The following CMSS1 variants were observed in gnomAD, a reference collection of about 807,000 sequenced individuals.
CMSS1 encodes the protein cms1 ribosomal small subunit homolog, also known as protein CMSS1.
CMSS1 carries 33 observed loss-of-function variants against 43.5 expected under a neutral mutation model. That is an observed-to-expected ratio of 0.76 (90% CI 0.57 to 1.01). The LOEUF is 1.01. CMSS1 is among the 50% of genes least tolerant of loss of function. CMSS1 has a pLI of 0.00. For missense variants in CMSS1, 313 were observed against 326.4 expected (o/e 0.96, Z 0.32); for synonymous variants, 115 against 117.2 (o/e 0.98, Z 0.12).
chr3:99,968,109 T>G (rs1420916263), intron 1 of CMSS1, among the ~76,000 whole-genome samples: 1 of 152,126 alleles, frequency 6.6e-6, no homozygotes. Context: ...GTAAAGGCAG[T>G]GATCAAGGGC....
chr3:100,056,533 C>A (rs1043873061), intron 1 of CMSS1, among the ~76,000 whole-genome samples: 1 of 152,246 alleles, frequency 6.6e-6, no homozygotes, highest in African/African-American at 2.4e-5. Flanking sequence ...AACATTTTAG[C>A]CTCCAGGTCA....
In CMSS1 at chr3:100,044,979, A is replaced by G. The variant is rs149099547; in HGVS notation, c.65-101994A>G. Among the ~76,000 whole-genome samples, 1,099 of 152,312 alleles carry G rather than the reference A, an allele frequency of 7.2e-3. 4 individuals carry two copies. The highest frequency in any genetic ancestry group is 0.01 in the African/African-American group (418 of 41,566). On this transcript the variant is annotated intron_variant, in intron 1 of 9. Transcript: ENST00000421999. ...GTTTCCTGAAGTTAAGAACATTTAG[A>G]GGAGAGTCTAGCCTGGGCGTAGAGA...
chr3:100,052,921 C>T (rs2065398307), intron 1 of CMSS1, among the ~76,000 whole-genome samples: 1 of 152,080 alleles, frequency 6.6e-6, no homozygotes, highest in South Asian at 2.1e-4. Context: ...TTTTTAAAAC[C>T]TGTAATATAT....
intron 1 of CMSS1, among the ~76,000 whole-genome samples, chr3:100,027,709 A>G (rs935785564): frequency 6.6e-6 from 1 of 152,190 alleles, no homozygotes; most frequent in Non-Finnish European, 1.5e-5. Flanking sequence ...TGAACTTTCA[A>G]ATCTCTGAAG....
Position 99,849,447 on chromosome 3 carries a change from G to A in CMSS1, c.64+31404G>A. On this transcript the variant is annotated intron_variant, in intron 1 of 9. Transcript: ENST00000421999. ...GATTTAGTTTTTTTTGCAGGACTGA[G>A]TGATCTCCCTGGAGGTGACATATTA... 1.9e-6 allele frequency: 3 copies of A among 1,614,070 alleles called. No individual in the cohort carries two copies. The South Asian group carries it at 3.3e-5, about 18-fold the overall frequency.
chr3:100,075,217 A>G (rs1402268692), intron 1 of CMSS1, among the ~76,000 whole-genome samples: 1 of 152,240 alleles, frequency 6.6e-6, no homozygotes, highest in Non-Finnish European at 1.5e-5. Context: ...AGCTTTTGCT[A>G]AAAGAAGATA....
At chr3:100,123,072 G>A (rs1173688776) in intron 1 of CMSS1, among the ~76,000 whole-genome samples, 1 of 152,134 alleles carries the variant, frequency 6.6e-6, no homozygotes, top group Admixed American at 6.5e-5. Context: ...TCTATGGGAA[G>A]GATCAAATAA....
chr3:99,947,479 G>A (rs977416848), intron 1 of CMSS1, among the ~76,000 whole-genome samples: 1 of 152,090 alleles, frequency 6.6e-6, no homozygotes, highest in African/African-American at 2.4e-5. Context: ...CTTCACCTTA[G>A]TGGCCTTTTC....
intron 1 of CMSS1, among the ~76,000 whole-genome samples, chr3:100,120,156 A>G (rs903081260): frequency 4.6e-5 from 7 of 152,272 alleles, no homozygotes. Context: ...CATGTTCTTC[A>G]ATAATGCCAA....
At chr3:100,070,850 C>G (rs538045235) in intron 1 of CMSS1, among the ~76,000 whole-genome samples, 2 of 152,154 alleles carry the variant, frequency 1.3e-5, no homozygotes, top group Non-Finnish European at 2.9e-5. Flanking sequence ...AGGATATTCA[C>G]GAACTCCTGA....
intron 1 of CMSS1, among the ~76,000 whole-genome samples, chr3:99,878,592 T>G (rs375453743): frequency 1.5e-4 from 23 of 152,376 alleles, no homozygotes; most frequent in Middle Eastern, 6.8e-3. Context: ...CTGTTTATTT[T>G]CTAGACTGAA....
At chr3:100,144,755 G>A (rs951219462) in intron 1 of CMSS1, among the ~76,000 whole-genome samples, 1 of 152,192 alleles carries the variant, frequency 6.6e-6, no homozygotes, top group East Asian at 1.9e-4. Flanking sequence ...GCAGACTTTT[G>A]TTGGGGCTTT....
chr3:99,827,266 A>G (rs793472), intron 1 of CMSS1, among the ~76,000 whole-genome samples: 124,278 of 152,108 alleles, frequency 0.82, 51,078 homozygotes, highest in African/African-American at 0.91. Flanking sequence ...ATCTTGGCCT[A>G]CTGCACCCTC....
chr3:99,882,409 A>G (rs1340289328), intron 1 of CMSS1, among the ~76,000 whole-genome samples: 2 of 152,214 alleles, frequency 1.3e-5, no homozygotes, highest in Non-Finnish European at 2.9e-5. Flanking sequence ...GTAAGACTAA[A>G]TCTTCCACTT....
chr3:99,960,344 A>C (rs1047883665), intron 1 of CMSS1, among the ~76,000 whole-genome samples: 10 of 152,182 alleles, frequency 6.6e-5, no homozygotes, highest in African/African-American at 2.2e-4. Flanking sequence ...CAAAAAGTTA[A>C]GTGGCAGAAC....
At chr3:100,039,285 C>G (rs894956870) in intron 1 of CMSS1, among the ~76,000 whole-genome samples, 11 of 152,150 alleles carry the variant, frequency 7.2e-5, no homozygotes, top group Non-Finnish European at 1.2e-4. Context: ...TCTAAGTGTT[C>G]TTGATCACAG....
intron 1 of CMSS1, among the ~76,000 whole-genome samples, chr3:100,097,881 A>G (rs1485598555): frequency 1.3e-5 from 2 of 152,272 alleles, no homozygotes; most frequent in African/African-American, 4.8e-5. Flanking sequence ...CTTTTTCTGA[A>G]TAGCTTTGTG....
intron 1 of CMSS1, among the ~76,000 whole-genome samples, chr3:99,979,750 C>G (rs1709066778): frequency 6.6e-6 from 1 of 152,084 alleles, no homozygotes; most frequent in African/African-American, 2.4e-5. Flanking sequence ...TGGCATTGCT[C>G]TAGTATTGTA....
At position 99,865,413 on chromosome 3, in the gene CMSS1, CT is replaced by C. The variant is rs920485393; in HGVS notation, c.64+47371del. On this transcript the variant is annotated intron_variant, in intron 1 of 9. Transcript: ENST00000421999. ...GAATTTGTGTGCTGTAATATTCTGCCTGTCAAAGATCCCAAATCACCACCAC... is the reference window on the plus strand; with the variant it reads ...GAATTTGTGTGCTGTAATATTCTGCCGTCAAAGATCCCAAATCACCACCAC... Among the ~76,000 whole-genome samples, 9 of 152,274 alleles carry C rather than the reference CT, an allele frequency of 5.9e-5. No homozygotes were observed. The South Asian group carries it at 1.5e-3, about 25-fold the overall frequency.
Sources: allele counts gnomAD v4.1 joint callset (sites outside exome capture counted in the v4.1 genomes callset), GRCh38; gene constraint gnomAD v4.1.1; transcripts MANE v1.5; gene names NCBI Gene and HGNC (gene_info 2026-07-23, HGNC 2026-07-21).